The following NOX4 variants were observed in gnomAD, a reference collection of about 807,000 sequenced individuals.
NOX4 encodes kidney oxidase-1.
NOX4 carries 69 observed loss-of-function variants against 87.6 expected under a neutral mutation model. The observed-to-expected ratio is 0.79, with a 90% CI of 0.65 to 0.96. The LOEUF (loss-of-function observed/expected upper bound fraction) is 0.96, where lower values mean the gene tolerates loss of function less well. NOX4 is among the 40% of genes least tolerant of loss of function. The pLI, the probability that NOX4 is intolerant of heterozygous loss-of-function variation, is 0.00. For missense variants in NOX4, 680 were observed against 681.5 expected, an observed-to-expected ratio of 1.00 and a Z score of 0.02; for synonymous variants, 275 against 238.2, an observed-to-expected ratio of 1.15 and a Z score of -1.42.
chr11:89,375,278 C>T (rs955413756), intron 11 of NOX4, among the ~76,000 whole-genome samples: 38 of 151,884 alleles, frequency 2.5e-4, no homozygotes, highest in African/African-American at 8.7e-4. Context: ...TGATTCTGTA[C>T]TTAATTGTTT....
At chr11:89,483,332 T>C (rs531657029) in intron 2 of NOX4, among the ~76,000 whole-genome samples, 6 of 152,122 alleles carry the variant, frequency 3.9e-5, no homozygotes, top group African/African-American at 9.6e-5. Flanking sequence ...CAGAGCACAA[T>C]GGCTCAGAAT....
At chr11:89,438,133 G>A (rs190911161) in intron 6 of NOX4, among the ~76,000 whole-genome samples, 21 of 150,300 alleles carry the variant, frequency 1.4e-4, no homozygotes, top group African/African-American at 4.4e-4. Context: ...CTCTGGGAAA[G>A]GACATAGGAT....
intron 7 of NOX4, among the ~76,000 whole-genome samples, chr11:89,422,795 ATTTTTT>A (rs147956211): frequency 9.0e-6 from 1 of 110,980 alleles, no homozygotes. Context: ...CAAAGTTCTG[ATTTTTT>A]TTTTTTTTTT....
intron 15 of NOX4, among the ~76,000 whole-genome samples, chr11:89,338,076 C>T (rs961107320): frequency 2.0e-5 from 3 of 151,876 alleles, no homozygotes; most frequent in Non-Finnish European, 4.4e-5. Flanking sequence ...AAATATGGAA[C>T]AACAACCCCT....
At chr11:89,581,155 G>A in the NOX4 span, among the ~76,000 whole-genome samples, 1 of 152,312 alleles carries the variant, frequency 6.6e-6, no homozygotes, top group East Asian at 1.9e-4. Context: ...AATGGTAGAT[G>A]TGGGTAAGGC....
At chr11:89,450,165 C>T (rs1944895178) in intron 3 of NOX4, among the ~76,000 whole-genome samples, 1 of 152,052 alleles carries the variant, frequency 6.6e-6, no homozygotes, top group African/African-American at 2.4e-5. Flanking sequence ...TTTCTCCAAG[C>T]CAAACCAATA....
chr11:89,340,156 T>C lies in NOX4; in HGVS notation c.1353A>G (p.Pro451=), dbSNP rs540863463. The part of the protein sequence containing the change: ...ILNTLLDDWK[P]YKLRRLYFIW... ...TAAAGTATAGTCTTCTAAGCTTGTA[T>C]GGTTTCCAGTCATCCCTTTAAAATG... is the stretch of plus-strand genomic sequence containing the variant. The change falls in exon 15 of 18, where the codon CCA becomes CCG. Residue 451 remains proline (P), a synonymous_variant. Coordinates refer to ENST00000263317, the MANE Select transcript of NOX4 (RefSeq NM_016931.5). The C allele has an allele frequency of 1.3e-6, 2 of 1,592,976 alleles. No homozygotes were observed. The highest frequency in any genetic ancestry group is 4.5e-5 in the East Asian group (2 of 44,052).
chr11:89,407,959 C>CT (rs1280144705), intron 8 of NOX4, among the ~76,000 whole-genome samples: 2 of 146,802 alleles, frequency 1.4e-5, no homozygotes, highest in East Asian at 4.1e-4. Context: ...TAGGAACCTA[C>CT]TTTTTTTCCT....
chr11:89,584,397 T>C, the NOX4 span, among the ~76,000 whole-genome samples: 1 of 152,166 alleles, frequency 6.6e-6, no homozygotes, highest in Non-Finnish European at 1.5e-5. Context: ...TTACCAGTTT[T>C]GCACCATAAT....
intron 2 of NOX4, among the ~76,000 whole-genome samples, chr11:89,487,579 C>G (rs1356806253): frequency 1.3e-5 from 2 of 152,024 alleles, no homozygotes; most frequent in African/African-American, 2.4e-5. Flanking sequence ...AATACATTTC[C>G]AGAAATAACA....
At chr11:89,588,971 C>G in the NOX4 span, among the ~76,000 whole-genome samples, 1 of 152,078 alleles carries the variant, frequency 6.6e-6, no homozygotes, top group Non-Finnish European at 1.5e-5. Flanking sequence ...CCCTCTCAAC[C>G]CTCCCAAGGT....
the NOX4 span, among the ~76,000 whole-genome samples, chr11:89,532,232 C>A: frequency 6.6e-6 from 1 of 152,156 alleles, no homozygotes; most frequent in East Asian, 1.9e-4. Flanking sequence ...CACTGTGCAC[C>A]TGGAAAAACT....
chr11:89,542,192 T>A, the NOX4 span, among the ~76,000 whole-genome samples: 2 of 152,238 alleles, frequency 1.3e-5, no homozygotes, highest in African/African-American at 2.4e-5. Flanking sequence ...GAAAACACAA[T>A]GTTTTTGTAA....
At chr11:89,558,283 G>C in the NOX4 span, among the ~76,000 whole-genome samples, 2 of 151,986 alleles carry the variant, frequency 1.3e-5, no homozygotes, top group East Asian at 3.9e-4. Flanking sequence ...TGTTTGTACT[G>C]TTACCCCAAT....
chr11:89,553,528 T>G, the NOX4 span, among the ~76,000 whole-genome samples: 1 of 152,128 alleles, frequency 6.6e-6, no homozygotes, highest in African/African-American at 2.4e-5. Context: ...CAAAGGCTAT[T>G]TACAGCAGAG....
rs188526800 is a variant in NOX4 at position 89,478,608 on chromosome 11, G to A, written c.153+11850C>T. On this transcript the variant is annotated intron_variant, in intron 2 of 17. Transcript: ENST00000263317. Reference sequence around the variant, plus strand: ...AATGACGGTCATAAAGGACTTTAACGAATTAACTTTCATATACCTAAAATT... The same window carrying A: ...AATGACGGTCATAAAGGACTTTAACAAATTAACTTTCATATACCTAAAATT... Among the ~76,000 whole-genome samples the A allele has an allele frequency of 6.6e-5, 10 of 152,120 alleles. No individual in the cohort carries two copies. The East Asian group carries it at 1.4e-3, about 21-fold the overall frequency.
chr11:89,438,616 T>C (rs1944232185), intron 6 of NOX4, among the ~76,000 whole-genome samples: 1 of 85,784 alleles, frequency 1.2e-5, no homozygotes, highest in East Asian at 3.6e-4. Context: ...ATATAATATA[T>C]AGTATATATT....
chr11:89,424,243 T>C (rs374219697), intron 7 of NOX4, among the ~76,000 whole-genome samples: 1 of 151,810 alleles, frequency 6.6e-6, no homozygotes, highest in African/African-American at 2.4e-5. Flanking sequence ...TTTTTCAAAC[T>C]AATTATAGTT....
At chr11:89,540,786 T>TAAAAAAAA in the NOX4 span, among the ~76,000 whole-genome samples, 53 of 43,518 alleles carry the variant, frequency 1.2e-3, 3 homozygotes, top group Non-Finnish European at 1.5e-3. Flanking sequence ...AGACTCCGTC[T>TAAAAAAAA]AAAAAAAAAA....
Sources: allele counts gnomAD v4.1 joint callset (sites outside exome capture counted in the v4.1 genomes callset), GRCh38; gene constraint gnomAD v4.1.1; transcripts MANE v1.5; gene names NCBI Gene and HGNC (gene_info 2026-07-23, HGNC 2026-07-21).